NOL4: variants seen among roughly 807,000 people sequenced by gnomAD.
NOL4 encodes nucleolar protein 4.
A neutral mutation model predicts 75.9 loss-of-function variants in NOL4; 17 were observed. The ratio of observed to expected loss-of-function variants is 0.22; its 90% CI spans 0.15 to 0.34. The LOEUF is 0.34. Among genes scored for constraint, NOL4 ranks in the 10% least tolerant of loss-of-function variants. NOL4 has a pLI of 1.00. For synonymous variants in NOL4, 292 were observed against 289.9 expected, an observed-to-expected ratio of 1.01 and a Z score of -0.07; for missense variants, 614 against 793.5, an observed-to-expected ratio of 0.77 and a Z score of 2.72.
At chr18:33,930,355 G>T (rs2067605711) in intron 9 of NOL4, among the ~76,000 whole-genome samples, 1 of 151,998 alleles carries the variant, frequency 6.6e-6, no homozygotes, top group Non-Finnish European at 1.5e-5. Flanking sequence ...AAGGTAAGAT[G>T]GTAAGTTTTC....
chr18:34,025,687 G>A (rs1568236556), intron 5 of NOL4, among the ~76,000 whole-genome samples: 1 of 152,036 alleles, frequency 6.6e-6, no homozygotes, highest in Admixed American at 6.6e-5. Context: ...CTTCAACTAG[G>A]CAGTTGTAAT....
intron 9 of NOL4, among the ~76,000 whole-genome samples, chr18:33,902,487 G>A (rs774298659): frequency 5.3e-5 from 8 of 152,014 alleles, no homozygotes; most frequent in Non-Finnish European, 1.2e-4. Flanking sequence ...ATATAGAAAA[G>A]CAATGTTTTC....
At chr18:34,209,213 A>G (rs1333226553) in intron 1 of NOL4, among the ~76,000 whole-genome samples, 1 of 151,622 alleles carries the variant, frequency 6.6e-6, no homozygotes, top group African/African-American at 2.4e-5. Flanking sequence ...AAAAAAAAAA[A>G]AGAAATAAGT....
At chr18:34,009,515 C>T (rs2146313289) in intron 6 of NOL4, among the ~76,000 whole-genome samples, 1 of 152,038 alleles carries the variant, frequency 6.6e-6, no homozygotes, top group East Asian at 1.9e-4. Flanking sequence ...ACTGCAGCAA[C>T]TTCATTTATT....
intron 6 of NOL4, among the ~76,000 whole-genome samples, chr18:34,013,189 T>C (rs2074477175): frequency 6.6e-6 from 1 of 152,000 alleles, no homozygotes; most frequent in Non-Finnish European, 1.5e-5. Flanking sequence ...AAAACTGATA[T>C]ATCCTTTATC....
chr18:33,864,886 G>A (rs1368363633), intron 10 of NOL4, among the ~76,000 whole-genome samples: 1 of 152,156 alleles, frequency 6.6e-6, no homozygotes, highest in Non-Finnish European at 1.5e-5. Context: ...GAGAGTATGT[G>A]AAGGAGGAAC....
intron 9 of NOL4, among the ~76,000 whole-genome samples, chr18:33,910,464 G>A (rs1032101355): frequency 1.3e-5 from 2 of 152,038 alleles, no homozygotes; most frequent in African/African-American, 4.8e-5. Flanking sequence ...GATCCTGACA[G>A]ACATTCCCTC....
At position 34,105,358 on chromosome 18, in the gene NOL4, T is replaced by C. The variant is rs564425695; in HGVS notation, c.415-198A>G. On this transcript the variant is annotated intron_variant, in intron 2 of 10. Coordinates refer to ENST00000261592, the MANE Select transcript of NOL4 (RefSeq NM_003787.5). ...TTAGATGTCTTTTAATAAAAGCCAA[T>C]AATGCCATGTGGAGACAAAAATCAA... Among the ~76,000 whole-genome samples, 16 of 152,120 alleles carry C rather than the reference T, an allele frequency of 1.1e-4. No homozygotes were observed. In the South Asian group the frequency reaches 3.3e-3, roughly 32 times the overall value.
chr18:33,997,166 C>T (rs900391869), intron 6 of NOL4, among the ~76,000 whole-genome samples: 4 of 151,790 alleles, frequency 2.6e-5, no homozygotes, highest in African/African-American at 4.8e-5. Flanking sequence ...TTTGCCAAAG[C>T]GGATGTCCAG....
intron 6 of NOL4, among the ~76,000 whole-genome samples, chr18:33,986,327 T>C (rs1600155431): frequency 6.6e-6 from 1 of 152,242 alleles, no homozygotes. Context: ...CAAAGTATAA[T>C]GTAAAGGTGT....
intron 2 of NOL4, among the ~76,000 whole-genome samples, chr18:34,129,180 TTTAGA>T (rs1219964247): frequency 6.6e-6 from 1 of 151,908 alleles, no homozygotes; most frequent in South Asian, 2.1e-4. Context: ...AATTAGAAAC[TTTAGA>T]TTAATATATT....
chr18:34,008,382 T>TATCTATCC (rs1003065036), intron 6 of NOL4, among the ~76,000 whole-genome samples: 3 of 151,094 alleles, frequency 2.0e-5, no homozygotes, highest in African/African-American at 7.3e-5. Flanking sequence ...TCTATCTATC[T>TATCTATCC]ATCTATCTAT....
At chr18:34,168,960 T>TA (rs1424340674) in intron 1 of NOL4, among the ~76,000 whole-genome samples, 1 of 151,908 alleles carries the variant, frequency 6.6e-6, no homozygotes, top group African/African-American at 2.4e-5. Context: ...CAATATCTTA[T>TA]AAAAAATTAA....
At chr18:33,932,655 T>C (rs529165400) in intron 9 of NOL4, among the ~76,000 whole-genome samples, 2 of 152,258 alleles carry the variant, frequency 1.3e-5, no homozygotes, top group South Asian at 4.1e-4. Context: ...TATTTCATTA[T>C]TTCCTAATTA....
intron 1 of NOL4, among the ~76,000 whole-genome samples, chr18:34,220,320 T>C (rs1246280242): frequency 1.3e-5 from 2 of 152,128 alleles, no homozygotes; most frequent in African/African-American, 4.8e-5. Context: ...GATGTCTAAT[T>C]ATCAGCAGCA....
chr18:34,152,436 G>A (rs1051925756), intron 1 of NOL4, among the ~76,000 whole-genome samples: 4 of 151,824 alleles, frequency 2.6e-5, no homozygotes, highest in Non-Finnish European at 5.9e-5. Flanking sequence ...AATCTTTTGG[G>A]AAAACAATGG....
intron 1 of NOL4, among the ~76,000 whole-genome samples, chr18:34,152,160 T>C (rs1052404057): frequency 6.6e-5 from 10 of 151,906 alleles, no homozygotes; most frequent in Non-Finnish European, 1.5e-4. Context: ...ATGTTATTTT[T>C]AAAAAGAAAG....
intron 10 of NOL4, among the ~76,000 whole-genome samples, chr18:33,880,997 T>C (rs532592302): frequency 5.3e-5 from 8 of 152,172 alleles, no homozygotes; most frequent in Admixed American, 1.3e-4. Context: ...ATCCATTTTC[T>C]TCTCTCAAGT....
intron 2 of NOL4, among the ~76,000 whole-genome samples, chr18:34,120,950 T>A (rs568883544): frequency 6.6e-6 from 1 of 152,298 alleles, no homozygotes; most frequent in East Asian, 1.9e-4. Context: ...TATAATTAAT[T>A]TTCAAAGCAC....
Sources: allele counts gnomAD v4.1 joint callset (sites outside exome capture counted in the v4.1 genomes callset), GRCh38; gene constraint gnomAD v4.1.1; transcripts MANE v1.5; gene names NCBI Gene and HGNC (gene_info 2026-07-23, HGNC 2026-07-21).